CBLL1: variants seen among roughly 807,000 people sequenced by gnomAD.
CBLL1 encodes E3 ubiquitin-protein ligase Hakai.
CBLL1 carries 4 observed loss-of-function variants against 44.9 expected under a neutral mutation model. That is an observed-to-expected ratio of 0.09 (90% confidence interval 0.04 to 0.20). The LOEUF (loss-of-function observed/expected upper bound fraction) is 0.20. CBLL1 is among the 10% of genes least tolerant of loss of function. The pLI, the probability that CBLL1 is intolerant of heterozygous loss-of-function variation, is 1.00. For missense variants in CBLL1, 569 were observed against 636.7 expected (o/e 0.89, Z 1.14); for synonymous variants, 235 against 202.2 (o/e 1.16, Z -1.38).
Position 107,761,458 on chromosome 7 carries a change from G to A in CBLL1, c.*2280G>A, listed in dbSNP as rs1192405888. 2.0e-5 allele frequency: 3 copies of A among 152,128 alleles called. No individual in the cohort carries two copies. The highest frequency in any genetic ancestry group is 4.8e-5 in the African/African-American group (2 of 41,434). The allele number at this position is 152,128 out of a possible 1,614,324, so 9.4% of individuals were successfully genotyped here. ...GAATTCATCAATTGTTTGAATGAGGGTGGGTGGGTAGAAGGATAACAAAAT... is the reference window on the plus strand; with the variant it reads ...GAATTCATCAATTGTTTGAATGAGGATGGGTGGGTAGAAGGATAACAAAAT... On this transcript the variant is annotated 3_prime_UTR_variant, in exon 6 of 6. Coordinates refer to ENST00000440859, the MANE Select transcript of CBLL1 (RefSeq NM_024814.4).
Position 107,753,926 on chromosome 7 carries a change from C to T in CBLL1, c.314C>T (p.Pro105Leu). ...ATCTTAGGTGAAAAGGATGATACAC[C>T]AGTTCATTTCTGTGACAAGTGTGGA... ...INILGEKDDT[P>L]VHFCDKCGLP... Residue 105 changes from proline to leucine, a missense_variant, in exon 4 of 6, where the codon CCA becomes CTA. Physicochemically the swap from Pro to Leu is moderately conservative, Grantham distance 98. This residue lies in a region of CBLL1 where 209 missense variants were observed against 202.8 expected (regional missense o/e 1.03). Coordinates refer to ENST00000440859, the MANE Select transcript of CBLL1 (RefSeq NM_024814.4). The T allele has an allele frequency of 2.5e-6, 4 of 1,595,034 alleles. No individual in the cohort carries two copies. Among genetic ancestry groups the T allele is most frequent in the African/African-American group, 1.3e-5 (1 of 74,122 alleles).
At position 107,758,487 on chromosome 7, in the gene CBLL1, C is replaced by T; in HGVS notation, c.785C>T (p.Ala262Val). 6.2e-7 allele frequency: 1 copy of T among 1,614,142 alleles called. No homozygotes were observed. Among genetic ancestry groups the T allele is most frequent in the Non-Finnish European group, 8.5e-7 (1 of 1,180,024 alleles). ...HYNQPHEDIR[A>V]PPAELSMAPP... Reference sequence around the variant, plus strand: ...AATCAGCCACATGAGGATATTCGTGCTCCTCCAGCAGAATTGTCCATGGCT... The same window carrying T: ...AATCAGCCACATGAGGATATTCGTGTTCCTCCAGCAGAATTGTCCATGGCT... Residue 262 changes from alanine to valine, a missense_variant, in exon 6 of 6, where the codon GCT becomes GTT. Coordinates refer to ENST00000440859, the MANE Select transcript of CBLL1 (RefSeq NM_024814.4). This position sits in a 1 kb window ranked among gnomAD's most constrained non-coding sequence, Gnocchi z 4.2.
At chr7:107,754,573 A>G (rs1463666586) in intron 4 of CBLL1, among the ~76,000 whole-genome samples, 1 of 152,194 alleles carries the variant, frequency 6.6e-6, no homozygotes, top group African/African-American at 2.4e-5. Context: ...TGGATTATGC[A>G]GTGTTGCTTT....
Position 107,760,861 on chromosome 7 carries a change from T to G in CBLL1, c.*1683T>G, listed in dbSNP as rs1793734442. On this transcript the variant is annotated 3_prime_UTR_variant, in exon 6 of 6. Coordinates refer to ENST00000440859, the MANE Select transcript of CBLL1 (RefSeq NM_024814.4). ...AGAGCAGAAGTTAGAAATAACAAAA[T>G]GGCCGTTTCAACCTTGACTGGCCAA... 1 of 152,054 alleles carries G rather than the reference T, an allele frequency of 6.6e-6. No individual in the cohort carries two copies. The highest frequency in any genetic ancestry group is 1.5e-5 in the Non-Finnish European group (1 of 67,850). The allele number at this position is 152,054 out of a possible 1,614,324, so 9.4% of individuals were successfully genotyped here.
intron 1 of CBLL1, among the ~76,000 whole-genome samples, chr7:107,747,404 C>T (rs144130073): frequency 2.6e-5 from 4 of 152,314 alleles, no homozygotes; most frequent in African/African-American, 9.6e-5. Flanking sequence ...TATATGTCTA[C>T]AACGACTTGC....
chr7:107,756,199 A>G (rs1002846860), intron 5 of CBLL1, among the ~76,000 whole-genome samples: 1 of 152,190 alleles, frequency 6.6e-6, no homozygotes, highest in African/African-American at 2.4e-5. Context: ...AGAATGAAAG[A>G]TACTTGCTTG....
intron 5 of CBLL1, 186 bp downstream of exon 5, chr7:107,755,677 A>G: frequency 2.9e-6 from 1 of 349,222 alleles, no homozygotes; most frequent in Non-Finnish European, 5.3e-6. Flanking sequence ...GGTAGCCACT[A>G]TCAGTCAACT....
intron 2 of CBLL1, 173 bp downstream of exon 2, chr7:107,749,220 A>C: frequency 2.0e-6 from 1 of 504,944 alleles, no homozygotes; most frequent in South Asian, 4.7e-5. Context: ...CTTTATAAAT[A>C]TTTTTTGATT....
Position 107,758,521 on chromosome 7 carries a change from A to G in CBLL1, c.819A>G (p.Pro273=). 1 of 1,613,962 alleles carries G rather than the reference A, an allele frequency of 6.2e-7. No homozygotes were observed. Among genetic ancestry groups the G allele is most frequent in the Non-Finnish European group, 8.5e-7 (1 of 1,179,986 alleles). ...PPAELSMAPP[P]PRSVSQETFR... ...CAGAATTGTCCATGGCTCCACCTCCACCTCGATCGGTCAGTCAGGAAACCT... is the reference window on the plus strand; with the variant it reads ...CAGAATTGTCCATGGCTCCACCTCCGCCTCGATCGGTCAGTCAGGAAACCT... The change falls in exon 6 of 6, where the codon CCA becomes CCG. Residue 273 remains proline (P), a synonymous_variant. Coordinates refer to ENST00000440859, the MANE Select transcript of CBLL1 (RefSeq NM_024814.4). This position sits in a 1 kb window ranked among gnomAD's most constrained non-coding sequence, Gnocchi z 4.2.
At chr7:107,754,851 G>A (rs143940478) in intron 4 of CBLL1, among the ~76,000 whole-genome samples, 16 of 152,246 alleles carry the variant, frequency 1.1e-4, no homozygotes, top group African/African-American at 2.9e-4. Context: ...GGGGCTGGGT[G>A]TGGTGGCTCA....
At chr7:107,745,331 G>A (rs1056208498) in intron 1 of CBLL1, among the ~76,000 whole-genome samples, 4 of 152,128 alleles carry the variant, frequency 2.6e-5, no homozygotes, top group African/African-American at 9.7e-5. Flanking sequence ...TGATGGATGA[G>A]AAGAACCCAG....
chr7:107,749,647 A>G (rs2115619996), intron 2 of CBLL1, among the ~76,000 whole-genome samples: 1 of 151,234 alleles, frequency 6.6e-6, no homozygotes, highest in East Asian at 1.9e-4. Flanking sequence ...GTCAAACTCT[A>G]AAATCCACAG....
intron 1 of CBLL1, among the ~76,000 whole-genome samples, chr7:107,747,898 T>C (rs549318337): frequency 6.6e-6 from 1 of 152,354 alleles, no homozygotes; most frequent in African/African-American, 2.4e-5. Flanking sequence ...GGGGCAGTTA[T>C]ACAACCTTGT....
chr7:107,755,464 A>G lies in CBLL1; in HGVS notation c.413A>G (p.Glu138Gly). ...TGCTATGACTGTGCTATTTTACATG[A>G]AAAAAAGGGAGATAAGATGTGTCCA... The part of the protein sequence containing the change: ...VFCYDCAILH[E>G]KKGDKMCPGC... Residue 138 changes from glutamate to glycine, a missense_variant, in exon 5 of 6, where the codon GAA (glutamate) becomes GGA (glycine). This residue lies in a region of CBLL1 where 209 missense variants were observed against 202.8 expected (regional missense o/e 1.03). Transcript: ENST00000440859. 3 of 1,580,586 alleles carry G rather than the reference A, an allele frequency of 1.9e-6. No homozygotes were observed. The highest frequency in any genetic ancestry group is 2.6e-6 in the Non-Finnish European group (3 of 1,160,350).
intron 2 of CBLL1, among the ~76,000 whole-genome samples, chr7:107,750,766 T>G (rs899221926): frequency 3.9e-5 from 6 of 152,210 alleles, no homozygotes; most frequent in Non-Finnish European, 1.5e-5. Flanking sequence ...AGCCCTGTTT[T>G]TATAAACAAT....
intron 5 of CBLL1, among the ~76,000 whole-genome samples, chr7:107,757,156 C>T (rs1383510558): frequency 6.6e-6 from 1 of 151,948 alleles, no homozygotes; most frequent in East Asian, 1.9e-4. Context: ...CACACATATT[C>T]AATGATAATT....
chr7:107,761,527 A>G lies in CBLL1; in HGVS notation c.*2349A>G, dbSNP rs781726772. ...CCTTACGGAAAAAGATGTGAATCCC[A>G]GCCTTATTTCAGGGAAGCCTTTGAA... On this transcript the variant is annotated 3_prime_UTR_variant, in exon 6 of 6. Transcript: ENST00000440859. The G allele has an allele frequency of 1.3e-5, 2 of 152,168 alleles. No individual in the cohort carries two copies. Among genetic ancestry groups the G allele is most frequent in the Non-Finnish European group, 2.9e-5 (2 of 67,864 alleles). The allele number at this position is 152,168 out of a possible 1,614,324, so 9.4% of individuals were successfully genotyped here.
intron 5 of CBLL1, among the ~76,000 whole-genome samples, chr7:107,757,564 A>G (rs1467907860): frequency 6.6e-6 from 1 of 152,190 alleles, no homozygotes; most frequent in East Asian, 1.9e-4. Flanking sequence ...CAAAGTGTAA[A>G]TTTGTCTGAC....
In CBLL1 at chr7:107,758,641, A is replaced by T. The variant is rs770150261; in HGVS notation, c.939A>T (p.Pro313=). 1.2e-6 allele frequency: 2 copies of T among 1,613,988 alleles called. No individual in the cohort carries two copies. Among genetic ancestry groups the T allele is most frequent in the East Asian group, 2.2e-5 (1 of 44,862 alleles). ...CTAGAGAACCACCACCTCCTGCCCC[A>T]GCACCTGCTCACCATCATCCTGAAT... ...SGAREPPPPA[P]APAHHHPEYQ... is the part of the protein sequence containing the mutation. Residue 313 remains proline, a synonymous_variant, in exon 6 of 6, where the codon CCA becomes CCT. Coordinates refer to ENST00000440859, the MANE Select transcript of CBLL1 (RefSeq NM_024814.4). This position sits in a 1 kb window ranked among gnomAD's most constrained non-coding sequence, Gnocchi z 4.2.
Sources: gnomAD v4.1 joint callset for allele counts (sites outside exome capture counted in the v4.1 genomes callset) on GRCh38, gnomAD v4.1.1 for gene constraint, gnomAD v4.1.1 regional missense constraint, Gnocchi (gnomAD v3.1) non-coding constraint, MANE v1.5 for transcripts, NCBI Gene and HGNC (gene_info 2026-07-23, HGNC 2026-07-21) for gene names.